The following PDE4B variants were observed in gnomAD, a reference collection of about 807,000 sequenced individuals.
The protein encoded by PDE4B is phosphodiesterase 4B, also known as 3',5'-cyclic-AMP phosphodiesterase 4B.
In PDE4B, 20 loss-of-function variants were observed where a neutral mutation model predicts 82.2. The observed-to-expected ratio is 0.24, with a 90% CI of 0.17 to 0.35. PDE4B has a LOEUF of 0.35. Among genes scored for constraint, PDE4B ranks in the 10% least tolerant of loss-of-function variants. The pLI is 1.00. For missense variants in PDE4B, 655 were observed against 907.2 expected (o/e 0.72, Z 3.57); for synonymous variants, 320 against 318.9 (o/e 1.00, Z -0.04).
chr1:65,993,121 G>T (rs2100682901), intron 3 of PDE4B: 1 of 1,613,258 alleles, frequency 6.2e-7, no homozygotes, highest in Non-Finnish European at 8.5e-7. Context: ...CAGCGTCGTC[G>T]CTTCACTGTG....
intron 1 of PDE4B, among the ~76,000 whole-genome samples, chr1:65,844,607 G>A (rs528849377): frequency 6.0e-4 from 91 of 152,248 alleles, no homozygotes; most frequent in African/African-American, 1.9e-3. Flanking sequence ...TGAGTTTCTT[G>A]TAATTTATTT....
intron 1 of PDE4B, among the ~76,000 whole-genome samples, chr1:65,804,035 C>T (rs748757831): frequency 6.6e-6 from 1 of 152,130 alleles, no homozygotes; most frequent in Non-Finnish European, 1.5e-5. Context: ...GAAAATTATT[C>T]AATTGTTTCA....
At chr1:66,156,966 T>G (rs1646513461) in intron 3 of PDE4B, among the ~76,000 whole-genome samples, 1 of 152,202 alleles carries the variant, frequency 6.6e-6, no homozygotes, top group Non-Finnish European at 1.5e-5. Context: ...ATTTGAAAGC[T>G]GATGGCTCCC....
intron 3 of PDE4B, among the ~76,000 whole-genome samples, chr1:65,946,852 A>G (rs956417841): frequency 6.6e-6 from 1 of 151,978 alleles, no homozygotes; most frequent in Non-Finnish European, 1.5e-5. Context: ...AGTGTATTAT[A>G]TGTTGCACCT....
chr1:66,265,518 A>G (rs909483809), intron 6 of PDE4B, among the ~76,000 whole-genome samples: 2 of 152,198 alleles, frequency 1.3e-5, no homozygotes, highest in African/African-American at 4.8e-5. Context: ...TTCCCTAAGT[A>G]AAGCAAGCTG....
chr1:65,950,953 G>A (rs1323340233), intron 3 of PDE4B, among the ~76,000 whole-genome samples: 1 of 152,044 alleles, frequency 6.6e-6, no homozygotes. Flanking sequence ...TAAACCGTCT[G>A]GAAATCTTCT....
At chr1:65,866,329 G>A (rs1373749144) in intron 1 of PDE4B, among the ~76,000 whole-genome samples, 1 of 151,992 alleles carries the variant, frequency 6.6e-6, no homozygotes. Context: ...CTTTTAATAT[G>A]CATCCATATA....
chr1:65,900,308 A>G (rs752767224), intron 1 of PDE4B, among the ~76,000 whole-genome samples: 10 of 151,846 alleles, frequency 6.6e-5, no homozygotes, highest in Non-Finnish European at 5.9e-5. Context: ...ATTCTGTTCC[A>G]TTGGTATATG....
chr1:66,033,279 C>G (rs975064698), intron 3 of PDE4B, among the ~76,000 whole-genome samples: 2 of 152,144 alleles, frequency 1.3e-5, no homozygotes, highest in African/African-American at 4.8e-5. Context: ...GGTGAGAAGT[C>G]TGGGAGAAAC....
intron 3 of PDE4B, among the ~76,000 whole-genome samples, chr1:66,015,957 A>G (rs72667426): frequency 0.016 from 2,367 of 152,288 alleles, 22 homozygotes; most frequent in Non-Finnish European, 0.025. Context: ...GCACCATTAT[A>G]GGGCTAGGCA....
At chr1:66,155,110 C>T (rs1421272374) in intron 3 of PDE4B, among the ~76,000 whole-genome samples, 1 of 152,136 alleles carries the variant, frequency 6.6e-6, no homozygotes, top group Admixed American at 6.5e-5. Flanking sequence ...GCCTGGGAAA[C>T]AGGAGTGAAA....
intron 3 of PDE4B, among the ~76,000 whole-genome samples, chr1:66,197,475 A>G (rs191181471): frequency 6.6e-6 from 1 of 152,248 alleles, no homozygotes; most frequent in East Asian, 1.9e-4. Flanking sequence ...AGAGACACAC[A>G]TGATATTTAT....
At chr1:66,096,573 AAT>A (rs1178101526) in intron 3 of PDE4B, among the ~76,000 whole-genome samples, 3 of 138,196 alleles carry the variant, frequency 2.2e-5, no homozygotes, top group African/African-American at 7.9e-5. Flanking sequence ...ATAAAATTTA[AAT>A]ATCTCATTAA....
intron 3 of PDE4B, among the ~76,000 whole-genome samples, chr1:65,995,743 C>G (rs1490467479): frequency 6.6e-6 from 1 of 152,124 alleles, no homozygotes; most frequent in Non-Finnish European, 1.5e-5. Context: ...AAACCATGCA[C>G]TTAAGTTAGA....
At chr1:66,012,850 A>C (rs914380029) in intron 3 of PDE4B, among the ~76,000 whole-genome samples, 1 of 152,138 alleles carries the variant, frequency 6.6e-6, no homozygotes, top group Non-Finnish European at 1.5e-5. Context: ...TTTAGTGAGT[A>C]TGTACTTAAG....
chr1:66,004,979 T>C (rs1652067769), intron 3 of PDE4B, among the ~76,000 whole-genome samples: 1 of 152,016 alleles, frequency 6.6e-6, no homozygotes, highest in Non-Finnish European at 1.5e-5. Context: ...TATATAACAT[T>C]TACAAATATT....
At chr1:66,315,692 T>C (rs1203614767) in intron 7 of PDE4B, among the ~76,000 whole-genome samples, 1 of 152,198 alleles carries the variant, frequency 6.6e-6, no homozygotes, top group Non-Finnish European at 1.5e-5. Context: ...ATTCCTGACC[T>C]CATGATCTGC....
intron 7 of PDE4B, among the ~76,000 whole-genome samples, chr1:66,283,494 T>C (rs1201795182): frequency 6.6e-6 from 1 of 152,182 alleles, no homozygotes; most frequent in Non-Finnish European, 1.5e-5. Context: ...ATTCAACACA[T>C]ATTTACAATG....
At chr1:66,186,046 C>G (rs896390122) in intron 3 of PDE4B, among the ~76,000 whole-genome samples, 19 of 152,296 alleles carry the variant, frequency 1.2e-4, no homozygotes, top group South Asian at 4.1e-4. Context: ...TTTCAGCTTT[C>G]TACATATGGC....
Sources: allele counts gnomAD v4.1 joint callset (sites outside exome capture counted in the v4.1 genomes callset), GRCh38; gene constraint gnomAD v4.1.1; transcripts MANE v1.5; gene names NCBI Gene and HGNC (gene_info 2026-07-23, HGNC 2026-07-21).